The following SP6 variants were observed in gnomAD, a reference collection of about 807,000 sequenced individuals.
The protein encoded by SP6 is transcription factor Sp6.
SP6 carries 10 observed loss-of-function variants against 23.4 expected under a neutral mutation model. That is an observed-to-expected ratio of 0.43 (90% CI 0.26 to 0.72). The LOEUF (loss-of-function observed/expected upper bound fraction) is 0.72. Among genes scored for constraint, SP6 ranks in the 30% least tolerant of loss-of-function variants. SP6 has a pLI of 0.23. For missense variants in SP6, 482 were observed against 523.8 expected (o/e 0.92, Z 0.78); for synonymous variants, 238 against 238.7 (o/e 1.00, Z 0.03).
At chr17:47,853,052 G>A (rs548073858), upstream of SP6, among the ~76,000 whole-genome samples, 4 of 152,338 alleles carry the variant, frequency 2.6e-5, no homozygotes, top group South Asian at 8.3e-4. Context: ...TTGCTAAACT[G>A]ACCCTGGCAG....
chr17:47,872,497 C>T, the SP6 span, among the ~76,000 whole-genome samples: 7 of 152,286 alleles, frequency 4.6e-5, no homozygotes, highest in African/African-American at 1.7e-4. Flanking sequence ...GCAGGAGGCT[C>T]AGTGGCGGCG....
In SP6 at chr17:47,847,008, A is replaced by G. The variant is rs1203580055; in HGVS notation, c.*291T>C. On this transcript the variant is annotated 3_prime_UTR_variant, in exon 2 of 2. Transcript: ENST00000536300. ...CCTGTCCCCGCCAGCCAGCCGCGGT[A>G]CGGGTGTCCCACCCCAACCCCCCAG... 7.3e-6 allele frequency: 3 copies of G among 412,778 alleles called. No homozygotes were observed. Among genetic ancestry groups the G allele is most frequent in the South Asian group, 4.5e-5 (1 of 22,206 alleles). 25.6% of individuals were successfully genotyped at this position (412,778 alleles called of 1,614,324 possible).
intron 1 of SP6, among the ~76,000 whole-genome samples, chr17:47,849,317 G>A (rs1598060181): frequency 6.6e-6 from 1 of 152,150 alleles, no homozygotes; most frequent in African/African-American, 2.4e-5. Flanking sequence ...ATAGAAAGTT[G>A]GGAGGGAATG....
At chr17:47,861,569 C>T in the SP6 span, among the ~76,000 whole-genome samples, 424 of 151,866 alleles carry the variant, frequency 2.8e-3, 1 homozygote, top group Middle Eastern at 6.8e-3. Context: ...CCCATCTCTA[C>T]CAAAAATACA....
At chr17:47,852,391 C>T (rs983457860), upstream of SP6, among the ~76,000 whole-genome samples, 2 of 152,168 alleles carry the variant, frequency 1.3e-5, no homozygotes, top group African/African-American at 4.8e-5. Context: ...ATGCTTCACT[C>T]CCATGCCGCA....
At chr17:47,857,733 C>A (rs979962023), upstream of SP6, among the ~76,000 whole-genome samples, 5 of 152,134 alleles carry the variant, frequency 3.3e-5, no homozygotes, top group African/African-American at 2.4e-5. Flanking sequence ...GCTGGGAAAG[C>A]TATGGGTGGG....
chr17:47,858,186 G>A (rs1037949637), upstream of SP6, among the ~76,000 whole-genome samples: 4 of 151,932 alleles, frequency 2.6e-5, no homozygotes, highest in Admixed American at 1.3e-4. Flanking sequence ...CTCAGCCCCA[G>A]AGGCCCATCT....
intron 1 of SP6, among the ~76,000 whole-genome samples, chr17:47,849,078 G>T (rs1425822666): frequency 6.6e-6 from 1 of 152,108 alleles, no homozygotes; most frequent in Admixed American, 6.5e-5. Context: ...TCCCCGCCTG[G>T]CCTGGTCACA....
intron 1 of SP6, among the ~76,000 whole-genome samples, chr17:47,849,056 C>A (rs1031280362): frequency 1.3e-5 from 2 of 152,132 alleles, no homozygotes; most frequent in African/African-American, 2.4e-5. Flanking sequence ...AGCATTTCAC[C>A]GTCTACGCTG....
chr17:47,848,347 G>T lies in SP6; in HGVS notation c.83C>A (p.Pro28His), dbSNP rs1339190842. Residue 28 changes from proline to histidine, a missense_variant, in exon 2 of 2, where the codon CCT (proline) becomes CAT (histidine). Around this residue, in one of 3 missense-constraint regions of SP6, gnomAD observed 330 missense variants for 332.3 expected, o/e 0.99. Transcript: ENST00000536300. This position sits in a 1 kb window ranked among gnomAD's most constrained non-coding sequence, Gnocchi z 5.3. ...HASPPRLDLQ[P>H]LQTYQGHTSP... ...CGTGTGGCCCTGGTAAGTTTGGAGA[G>T]GCTGCAGGTCGAGGCGCGGCGGGGA... is the stretch of plus-strand genomic sequence containing the variant. The T allele has an allele frequency of 6.2e-7, 1 of 1,605,116 alleles. No individual in the cohort carries two copies. Among genetic ancestry groups the T allele is most frequent in the Non-Finnish European group, 8.5e-7 (1 of 1,175,912 alleles).
At position 47,848,848 on chromosome 17, in the gene SP6, A is replaced by C. The variant is rs1002495322; in HGVS notation, c.-57-362T>G. Among the ~76,000 whole-genome samples the C allele has an allele frequency of 1.3e-5, 2 of 152,124 alleles. No homozygotes were observed. The highest frequency in any genetic ancestry group is 2.9e-5 in the Non-Finnish European group (2 of 68,034). ...AGGGGCAGTGGCATTTTCCCCCTGCAGACCTGCTGTCAGCCCAAATGGAGG... is the reference window on the plus strand; with the variant it reads ...AGGGGCAGTGGCATTTTCCCCCTGCCGACCTGCTGTCAGCCCAAATGGAGG... On this transcript the variant is annotated intron_variant, in intron 1 of 1. Coordinates refer to ENST00000536300, the MANE Select transcript of SP6 (RefSeq NM_001258248.2). This position sits in a 1 kb window ranked among gnomAD's most constrained non-coding sequence, Gnocchi z 5.3.
At chr17:47,873,769 C>T in the SP6 span, among the ~76,000 whole-genome samples, 1 of 152,044 alleles carries the variant, frequency 6.6e-6, no homozygotes, top group Non-Finnish European at 1.5e-5. Flanking sequence ...TGAACCCCAG[C>T]CATTGGCCTC....
rs1266803622 is a variant in SP6 at position 47,846,220 on chromosome 17, T to G, written c.*1079A>C. The G allele has an allele frequency of 2.0e-5, 3 of 152,196 alleles. No homozygotes were observed. Among genetic ancestry groups the G allele is most frequent in the Non-Finnish European group, 2.9e-5 (2 of 68,064 alleles). 9.4% of individuals were successfully genotyped at this position (152,196 alleles called of 1,614,324 possible). A position where few individuals can be genotyped will look rare whatever the true frequency, so the allele number is the denominator to read the frequency against. On this transcript the variant is annotated 3_prime_UTR_variant, in exon 2 of 2. Transcript: ENST00000536300. ...TAGAGAGACAGTGGGGTTTATTTTC[T>G]TGGTGACAGCTAAAGAGATGGTCAG...
At chr17:47,865,997 GCTC>G in the SP6 span, among the ~76,000 whole-genome samples, 2 of 152,166 alleles carry the variant, frequency 1.3e-5, no homozygotes, top group African/African-American at 4.8e-5. Context: ...CCAGGCCAGG[GCTC>G]AGGGGAGACA....
Position 47,846,006 on chromosome 17 carries a change from C to A in SP6, c.*1293G>T, listed in dbSNP as rs2033881411. The A allele has an allele frequency of 6.6e-6, 1 of 152,188 alleles. No individual in the cohort carries two copies. Among genetic ancestry groups the A allele is most frequent in the African/African-American group, 2.4e-5 (1 of 41,436 alleles). The allele number at this position is 152,188 out of a possible 1,614,324, so 9.4% of individuals were successfully genotyped here. ...CTCTCCCCCACCCCATGATCAGAAT[C>A]AAAATGTGTTTCTAGCATCTAAAGG... On this transcript the variant is annotated 3_prime_UTR_variant, in exon 2 of 2. Coordinates refer to ENST00000536300, the MANE Select transcript of SP6 (RefSeq NM_001258248.2).
At chr17:47,875,103 C>T in the SP6 span, among the ~76,000 whole-genome samples, 4 of 152,136 alleles carry the variant, frequency 2.6e-5, no homozygotes, top group African/African-American at 9.7e-5. Context: ...TTCTCAGAAA[C>T]TCTGGCCTGG....
In SP6 at chr17:47,847,447, T is replaced by G; in HGVS notation, c.983A>C (p.His328Pro). The change falls in exon 2 of 2, where the codon CAC (histidine) becomes CCC (proline). Residue 328 changes from histidine (H) to proline (P), a missense_variant. By Grantham distance (77) the His-to-Pro change is moderately conservative (BLOSUM62 -2). Around this residue, in one of 3 missense-constraint regions of SP6, gnomAD observed 101 missense variants for 99.3 expected, o/e 1.02. Transcript: ENST00000536300. Reference sequence around the variant, plus strand: ...GTGGGTTTTCATGTGCTTGGCCAGGTGGTCGCTGCGCATGAAGACGCGGCT... The same window carrying G: ...GTGGGTTTTCATGTGCTTGGCCAGGGGGTCGCTGCGCATGAAGACGCGGCT... ...VCSRVFMRSDHLAKHMKTHEG... is the reference protein window; with the variant it reads ...VCSRVFMRSDPLAKHMKTHEG... 2 of 1,613,538 alleles carry G rather than the reference T, an allele frequency of 1.2e-6. No homozygotes were observed. The highest frequency in any genetic ancestry group is 1.7e-6 in the Non-Finnish European group (2 of 1,179,880).
the SP6 span, among the ~76,000 whole-genome samples, chr17:47,864,169 T>C: frequency 2.0e-5 from 3 of 151,876 alleles, no homozygotes; most frequent in South Asian, 2.1e-4. Context: ...AATGAGAGCA[T>C]TGATTATCCA....
upstream of SP6, among the ~76,000 whole-genome samples, chr17:47,857,303 A>G (rs1257382570): frequency 6.6e-6 from 1 of 152,214 alleles, no homozygotes; most frequent in Non-Finnish European, 1.5e-5. Flanking sequence ...GGTGGAGTAA[A>G]TAATGTTAAT....
Sources: gnomAD v4.1 joint callset for allele counts (sites outside exome capture counted in the v4.1 genomes callset) on GRCh38, gnomAD v4.1.1 for gene constraint, gnomAD v4.1.1 regional missense constraint, Gnocchi (gnomAD v3.1) non-coding constraint, MANE v1.5 for transcripts, NCBI Gene and HGNC (gene_info 2026-07-23, HGNC 2026-07-21) for gene names.